The following LRFN5 variants were observed in gnomAD, a reference collection of about 807,000 sequenced individuals.
LRFN5 encodes leucine-rich repeat and fibronectin type-III domain-containing protein 5.
A neutral mutation model predicts 45.6 loss-of-function variants in LRFN5; 24 were observed. That is an observed-to-expected ratio of 0.53 (90% confidence interval 0.38 to 0.74). LRFN5 has a LOEUF of 0.74. Among genes scored for constraint, LRFN5 ranks in the 30% least tolerant of loss-of-function variants. The pLI is 0.00. For missense variants in LRFN5, 776 were observed against 861.5 expected (o/e 0.90, Z 1.24); for synonymous variants, 340 against 313.8 (o/e 1.08, Z -0.88).
chr14:41,884,353 T>C (rs555826051), intron 2 of LRFN5, among the ~76,000 whole-genome samples: 1 of 152,322 alleles, frequency 6.6e-6, no homozygotes, highest in South Asian at 2.1e-4. Context: ...CAGTTAGTAA[T>C]GAACAGAAGA....
chr14:41,657,834 A>T (rs994534328), intron 1 of LRFN5, among the ~76,000 whole-genome samples: 3 of 151,916 alleles, frequency 2.0e-5, no homozygotes, highest in African/African-American at 7.2e-5. Context: ...TATTTGGCAT[A>T]AGGAATATTC....
intron 1 of LRFN5, among the ~76,000 whole-genome samples, chr14:41,757,932 T>G (rs1158680561): frequency 6.6e-6 from 1 of 152,076 alleles, no homozygotes; most frequent in Non-Finnish European, 1.5e-5. Flanking sequence ...CCATATAGAG[T>G]GAGCTATCAG....
intron 1 of LRFN5, chr14:41,731,898 T>C (rs954346913): frequency 1.3e-5 from 2 of 152,142 alleles, no homozygotes; most frequent in Admixed American, 6.5e-5. Flanking sequence ...TTTGCAAGTA[T>C]AATTAGAGAG....
At chr14:41,705,980 T>C (rs1883047536) in intron 1 of LRFN5, among the ~76,000 whole-genome samples, 1 of 152,206 alleles carries the variant, frequency 6.6e-6, no homozygotes, top group East Asian at 1.9e-4. Context: ...AATTTCTTCC[T>C]TTTTATCCCA....
At chr14:41,899,994 TTC>T (rs1202145278) in intron 5 of LRFN5, among the ~76,000 whole-genome samples, 5 of 152,004 alleles carry the variant, frequency 3.3e-5, no homozygotes, top group African/African-American at 9.7e-5. Flanking sequence ...ACCCCTTTTG[TTC>T]TCTCTCTCAA....
At chr14:41,637,272 C>T (rs890410046) in intron 1 of LRFN5, among the ~76,000 whole-genome samples, 9 of 152,116 alleles carry the variant, frequency 5.9e-5, no homozygotes, top group African/African-American at 2.2e-4. Context: ...GTTCTCTTTT[C>T]TTGTGCTTCC....
At chr14:41,754,636 TC>T (rs1885293287) in intron 1 of LRFN5, among the ~76,000 whole-genome samples, 1 of 152,166 alleles carries the variant, frequency 6.6e-6, no homozygotes, top group African/African-American at 2.4e-5. Context: ...TTTTATTGTG[TC>T]TATTTGATTC....
intron 1 of LRFN5, among the ~76,000 whole-genome samples, chr14:41,616,760 A>G (rs1417384481): frequency 2.6e-5 from 4 of 151,942 alleles, no homozygotes; most frequent in African/African-American, 9.7e-5. Context: ...ATTGCATTTG[A>G]TGTGAATTCA....
chr14:41,834,439 A>G (rs988045639), intron 2 of LRFN5, among the ~76,000 whole-genome samples: 9 of 152,238 alleles, frequency 5.9e-5, no homozygotes, highest in African/African-American at 2.2e-4. Flanking sequence ...TTTGAACCCA[A>G]CTACACTTAG....
Position 41,856,675 on chromosome 14 carries a change from A to ATTATTATTTT in LRFN5, c.-20-29929_-20-29928insATTATTTTTT. Among the ~76,000 whole-genome samples the ATTATTATTTT allele has an allele frequency of 1.6e-3, 30 of 18,282 alleles. 1 individual carries two copies. The highest frequency in any genetic ancestry group is 0.015 in the East Asian group (11 of 748). 12.0% of individuals were successfully genotyped at this position (18,282 alleles called of 152,430 possible). On this transcript the variant is annotated intron_variant, in intron 2 of 5. Transcript: ENST00000298119. ...TTCTTTCCTAATTATTATTATTATT[A>ATTATTATTTT]TTTTTTTTTTTTTTTTTTTGAGACG...
intron 2 of LRFN5, among the ~76,000 whole-genome samples, chr14:41,771,454 A>T (rs1207090019): frequency 6.6e-6 from 1 of 152,000 alleles, no homozygotes; most frequent in Non-Finnish European, 1.5e-5. Flanking sequence ...TATAAGTTTC[A>T]ACTGTAGATC....
At chr14:41,650,369 G>C (rs1880053376) in intron 1 of LRFN5, among the ~76,000 whole-genome samples, 1 of 152,056 alleles carries the variant, frequency 6.6e-6, no homozygotes, top group African/African-American at 2.4e-5. Context: ...TGAGGATATG[G>C]TGATTTGTAA....
chr14:41,785,607 A>G (rs1886690542), intron 2 of LRFN5, among the ~76,000 whole-genome samples: 1 of 152,182 alleles, frequency 6.6e-6, no homozygotes, highest in Admixed American at 6.6e-5. Context: ...TTTTTCAATG[A>G]TTCAAGCACT....
chr14:41,881,202 G>A (rs1397427604), intron 2 of LRFN5, among the ~76,000 whole-genome samples: 1 of 152,014 alleles, frequency 6.6e-6, no homozygotes, highest in Non-Finnish European at 1.5e-5. Flanking sequence ...CTGGTGAACT[G>A]CTGTTGTTAT....
At chr14:41,843,122 G>C (rs1888922995) in intron 2 of LRFN5, among the ~76,000 whole-genome samples, 1 of 129,168 alleles carries the variant, frequency 7.7e-6, no homozygotes, top group Non-Finnish European at 1.6e-5. Context: ...GTCTCACTCT[G>C]TCTCCCAGGA....
At chr14:41,725,794 T>A (rs2138781128) in intron 1 of LRFN5, among the ~76,000 whole-genome samples, 1 of 152,310 alleles carries the variant, frequency 6.6e-6, no homozygotes, top group South Asian at 2.1e-4. Context: ...TTTCATAATA[T>A]ATATAGATTC....
chr14:41,762,779 A>T (rs1375009026), intron 1 of LRFN5, among the ~76,000 whole-genome samples: 1 of 152,092 alleles, frequency 6.6e-6, no homozygotes, highest in Non-Finnish European at 1.5e-5. Context: ...AATTGAATGA[A>T]CTGTAGTAAA....
At chr14:41,637,157 AAG>A (rs1305633349) in intron 1 of LRFN5, among the ~76,000 whole-genome samples, 1 of 152,082 alleles carries the variant, frequency 6.6e-6, no homozygotes, top group Non-Finnish European at 1.5e-5. Context: ...ACAAACAAGA[AAG>A]AGGGGAGAAT....
At chr14:41,727,125 T>G (rs980630077) in intron 1 of LRFN5, among the ~76,000 whole-genome samples, 4 of 152,212 alleles carry the variant, frequency 2.6e-5, no homozygotes, top group African/African-American at 9.6e-5. Context: ...GACAAGACTT[T>G]TTACTAATCA....
Sources: gnomAD v4.1 joint callset for allele counts (sites outside exome capture counted in the v4.1 genomes callset) on GRCh38, gnomAD v4.1.1 for gene constraint, MANE v1.5 for transcripts, NCBI Gene and HGNC (gene_info 2026-07-23, HGNC 2026-07-21) for gene names.